The following C1QTNF2 variants were observed in gnomAD, a reference collection of about 807,000 sequenced individuals.
The protein encoded by C1QTNF2 is C1q and TNF related 2.
A neutral mutation model predicts 17.4 loss-of-function variants in C1QTNF2; 15 were observed. The observed-to-expected ratio is 0.86, with a 90% CI of 0.58 to 1.33. The LOEUF (loss-of-function observed/expected upper bound fraction) is 1.33, where lower values mean the gene tolerates loss of function less well. Ranked by LOEUF, C1QTNF2 falls within the 40% of genes most tolerant of loss-of-function variation. The pLI is 0.00. For synonymous variants in C1QTNF2, 154 were observed against 163.3 expected (o/e 0.94, Z 0.44); for missense variants, 381 against 392.3 (o/e 0.97, Z 0.24).
At position 160,367,874 on chromosome 5, in the gene C1QTNF2, C is replaced by T. The variant is rs74623501; in HGVS notation, c.-10+2638G>A. 1.5e-3 allele frequency among the ~76,000 whole-genome samples: 236 copies of T among 152,342 alleles called. 1 individual carries two copies. The highest frequency in any genetic ancestry group is 6.8e-3 in the Middle Eastern group (2 of 294). Reference sequence around the variant, plus strand: ...TCTAGAGGAAAAGAGTAATGATTCTCCATGTATGTTGTGTGTTCTTATTTC... The same window carrying T: ...TCTAGAGGAAAAGAGTAATGATTCTTCATGTATGTTGTGTGTTCTTATTTC... On this transcript the variant is annotated intron_variant, in intron 1 of 2. Coordinates refer to ENST00000652664, the MANE Select transcript of C1QTNF2 (RefSeq NM_031908.6).
intron 2 of C1QTNF2, among the ~76,000 whole-genome samples, chr5:160,353,076 T>C (rs1763956010): frequency 6.6e-6 from 1 of 152,162 alleles, no homozygotes; most frequent in African/African-American, 2.4e-5. Context: ...GTTTCCAAAG[T>C]TCACGTTCTT....
chr5:160,349,088 C>G lies in C1QTNF2; in HGVS notation c.*80G>C. 1 of 1,507,478 alleles carries G rather than the reference C, an allele frequency of 6.6e-7. No individual in the cohort carries two copies. Among genetic ancestry groups the G allele is most frequent in the Non-Finnish European group, 8.9e-7 (1 of 1,125,038 alleles). 93.4% of individuals were successfully genotyped at this position (1,507,478 alleles called of 1,614,324 possible). On this transcript the variant is annotated 3_prime_UTR_variant, in exon 3 of 3. Transcript: ENST00000652664. The surrounding 1 kb of genome is among the most constrained non-coding windows in gnomAD (Gnocchi z 4.3). Reference sequence around the variant, plus strand: ...AACCGCTCACTCGACCCCCCACCCCCAGCCTACAGTTGTGGGGTCTTGCTC... The same window carrying G: ...AACCGCTCACTCGACCCCCCACCCCGAGCCTACAGTTGTGGGGTCTTGCTC...
chr5:160,358,302 A>G (rs1214228269), intron 1 of C1QTNF2, among the ~76,000 whole-genome samples: 1 of 152,146 alleles, frequency 6.6e-6, no homozygotes, highest in Non-Finnish European at 1.5e-5. Flanking sequence ...CACCTCCAAG[A>G]AAAACAAGGC....
At chr5:160,353,413 T>C (rs995685670) in intron 2 of C1QTNF2, among the ~76,000 whole-genome samples, 7 of 152,124 alleles carry the variant, frequency 4.6e-5, no homozygotes, top group African/African-American at 1.7e-4. Context: ...TCCCTTCCTT[T>C]GGGGAGTTGC....
At chr5:160,367,860 A>G (rs1256075368) in intron 1 of C1QTNF2, among the ~76,000 whole-genome samples, 1 of 152,222 alleles carries the variant, frequency 6.6e-6, no homozygotes, top group Admixed American at 6.5e-5. Flanking sequence ...CTAGAGGAAA[A>G]GAGTAATGAT....
chr5:160,354,726 TCAGC>T (rs1381130849), intron 2 of C1QTNF2, 38 bp downstream of exon 2: 1 of 1,611,254 alleles, frequency 6.2e-7, no homozygotes, highest in South Asian at 1.1e-5. Context: ...CCGGATGCTG[TCAGC>T]CAGGTGGGAA....
At chr5:160,359,742 C>T (rs916993974) in intron 1 of C1QTNF2, among the ~76,000 whole-genome samples, 4 of 152,226 alleles carry the variant, frequency 2.6e-5, no homozygotes, top group African/African-American at 9.6e-5. Context: ...CCACCATAAG[C>T]CCCTCTGGTG....
intron 1 of C1QTNF2, among the ~76,000 whole-genome samples, chr5:160,355,642 G>C (rs916510404): frequency 1.8e-4 from 28 of 152,214 alleles, no homozygotes; most frequent in African/African-American, 6.8e-4. Flanking sequence ...TACCCTTATA[G>C]AATAGATACA....
Position 160,354,793 on chromosome 5 carries a change from G to A in C1QTNF2, c.219C>T (p.Gly73=), listed in dbSNP as rs374059200. ...CTTCCTCTCCGCTGTCCCCCCGGTCGCCGTCGTGTCCATCTTGGCCGTCTT... is the reference window on the plus strand; with the variant it reads ...CTTCCTCTCCGCTGTCCCCCCGGTCACCGTCGTGTCCATCTTGGCCGTCTT... ...PGKDGQDGHD[G]DRGDSGEEGP... Residue 73 remains glycine, a synonymous_variant, in exon 2 of 3, where the codon GGC becomes GGT. Transcript: ENST00000652664. The A allele has an allele frequency of 4.6e-5, 74 of 1,613,434 alleles. No homozygotes were observed. Among genetic ancestry groups the A allele is most frequent in the Non-Finnish European group, 5.8e-5 (69 of 1,179,938 alleles).
intron 1 of C1QTNF2, among the ~76,000 whole-genome samples, chr5:160,358,913 T>A (rs1561825548): frequency 6.6e-6 from 1 of 152,116 alleles, no homozygotes; most frequent in Non-Finnish European, 1.5e-5. Flanking sequence ...CCCGAGAAGC[T>A]GGGACTATAG....
At position 160,354,617 on chromosome 5, in the gene C1QTNF2, TATATATATATATATATAG is replaced by T. The variant is rs1561822929; in HGVS notation, c.244+133_244+150del. 40 of 177,250 alleles carry T rather than the reference TATATATATATATATATAG, an allele frequency of 2.3e-4. 2 individuals carry two copies. The highest frequency in any genetic ancestry group is 1.0e-3 in the African/African-American group (37 of 36,274). The allele number at this position is 177,250 out of a possible 1,614,324, so 11.0% of individuals were successfully genotyped here. A position where few individuals can be genotyped will look rare whatever the true frequency, so the allele number is the denominator to read the frequency against. On this transcript the variant is annotated intron_variant, in intron 2 of 2. Transcript: ENST00000652664. ...AAAAAAGTATATATATATATATATATATATATATATATATATAGATTTATAAGTAAATAGTAATTTGAT... is the reference window on the plus strand; with the variant it reads ...AAAAAAGTATATATATATATATATATATTTATAAGTAAATAGTAATTTGAT...
intron 2 of C1QTNF2, among the ~76,000 whole-genome samples, chr5:160,350,814 G>A (rs986396783): frequency 1.3e-5 from 2 of 150,458 alleles, no homozygotes; most frequent in African/African-American, 2.5e-5. Context: ...ACAGTGGCGC[G>A]ATCTCCGCTC....
At chr5:160,361,108 T>A (rs1321931966) in intron 1 of C1QTNF2, among the ~76,000 whole-genome samples, 1 of 152,178 alleles carries the variant, frequency 6.6e-6, no homozygotes, top group Non-Finnish European at 1.5e-5. Context: ...GATGAGTTCT[T>A]AAGTCTGGCT....
chr5:160,349,216 A>T lies in C1QTNF2; in HGVS notation c.810T>A (p.Phe270Leu). The stretch of plus-strand genomic sequence containing the variant: ...GGTCGGCATAGATTAGGAAGCCCGT[A>T]AAGAGGCTGTCTGTCCAGTAAGGGT... ...FYDPYWTDSL[F>L]TGFLIYADQD... Residue 270 changes from phenylalanine to leucine, a missense_variant, in exon 3 of 3, where the codon TTT becomes TTA. Coordinates refer to ENST00000652664, the MANE Select transcript of C1QTNF2 (RefSeq NM_031908.6). The surrounding 1 kb of genome is among the most constrained non-coding windows in gnomAD (Gnocchi z 4.3). 5 of 1,614,154 alleles carry T rather than the reference A, an allele frequency of 3.1e-6. No homozygotes were observed. The highest frequency in any genetic ancestry group is 4.2e-6 in the Non-Finnish European group (5 of 1,180,022).
intron 2 of C1QTNF2, among the ~76,000 whole-genome samples, 171 bp downstream of exon 2, chr5:160,354,597 A>AATATATATATATATATAT (rs769774870): frequency 3.4e-5 from 3 of 89,306 alleles, no homozygotes; most frequent in African/African-American, 4.8e-5. Flanking sequence ...AAAAAAAAAA[A>AATATATATATATATATAT]GTATATATAT....
rs79664982 is a variant in C1QTNF2 at position 160,351,201 on chromosome 5, T to C, written c.245-1420A>G. ...GGCTTTTTGATGTTTCATACTCCAA[T>C]GTTTCATAAAATGCACATTTCTCTC... On this transcript the variant is annotated intron_variant, in intron 2 of 2. Transcript: ENST00000652664. Among the ~76,000 whole-genome samples, 983 of 152,350 alleles carry C rather than the reference T, an allele frequency of 6.5e-3. 17 individuals are homozygous for C. The highest frequency in any genetic ancestry group is 0.023 in the African/African-American group (938 of 41,590).
At chr5:160,370,067 C>T (rs565455332) in intron 1 of C1QTNF2, among the ~76,000 whole-genome samples, 5 of 152,280 alleles carry the variant, frequency 3.3e-5, no homozygotes, top group South Asian at 4.1e-4. Flanking sequence ...CTCAGATTTA[C>T]CAGACTTCAA....
intron 1 of C1QTNF2, among the ~76,000 whole-genome samples, chr5:160,362,172 C>T (rs2113528677): frequency 6.6e-6 from 1 of 152,308 alleles, no homozygotes; most frequent in East Asian, 1.9e-4. Flanking sequence ...ACCGATAAGA[C>T]CCTGAAAAAC....
At chr5:160,352,336 C>T (rs1270359120) in intron 2 of C1QTNF2, among the ~76,000 whole-genome samples, 6 of 152,180 alleles carry the variant, frequency 3.9e-5, no homozygotes, top group Admixed American at 1.3e-4. Context: ...TTGGGAAAAG[C>T]TGACTTTACT....
Sources: gnomAD v4.1 joint callset for allele counts (sites outside exome capture counted in the v4.1 genomes callset) on GRCh38, gnomAD v4.1.1 for gene constraint, Gnocchi (gnomAD v3.1) non-coding constraint, MANE v1.5 for transcripts, NCBI Gene and HGNC (gene_info 2026-07-23, HGNC 2026-07-21) for gene names.